Variants in PRKN observed in about 807,000 individuals in gnomAD.
The protein encoded by PRKN is parkin RBR E3 ubiquitin protein ligase, also known as E3 ubiquitin-protein ligase parkin.
PRKN carries 56 observed loss-of-function variants against 59.5 expected under a neutral mutation model. The observed-to-expected ratio is 0.94, with a 90% CI of 0.76 to 1.18. The LOEUF is 1.18. PRKN is among the 50% of genes most tolerant of loss of function. The pLI, the probability that PRKN is intolerant of heterozygous loss-of-function variation, is 0.00. For synonymous variants in PRKN, 250 were observed against 222.1 expected (o/e 1.13, Z -1.12); for missense variants, 657 against 596.4 (o/e 1.10, Z -1.06).
intron 5 of PRKN, among the ~76,000 whole-genome samples, chr6:162,008,185 T>A: frequency 6.6e-6 from 1 of 152,104 alleles, no homozygotes; most frequent in East Asian, 1.9e-4. Context: ...ACTATAGAAG[T>A]CAAGAAATTA....
At chr6:162,122,716 TTCTA>T (rs71544924) in intron 4 of PRKN, among the ~76,000 whole-genome samples, 24,464 of 147,752 alleles carry the variant, frequency 0.17, 2,050 homozygotes, top group East Asian at 0.32. Context: ...GCTCAATCTG[TTCTA>T]TCTATCTATC....
chr6:161,393,642 G>A lies in PRKN; in HGVS notation c.1084-6765C>T, dbSNP rs1786614541. Among the ~76,000 whole-genome samples the A allele has an allele frequency of 6.6e-6, 1 of 152,102 alleles. No homozygotes were observed. Among genetic ancestry groups the A allele is most frequent in the South Asian group, 2.1e-4 (1 of 4,816 alleles). ...AGCATGAAAAGGAAGCAAATGAACA[G>A]CTTCTAATGCAATCGGAATATTCCA... is the stretch of plus-strand genomic sequence containing the variant. On this transcript the variant is annotated intron_variant, in intron 9 of 11. Transcript: ENST00000366898. The surrounding 1 kb of genome is among the most constrained non-coding windows in gnomAD (Gnocchi z 4.7).
intron 2 of PRKN, among the ~76,000 whole-genome samples, chr6:162,380,911 C>CT (rs1198986259): frequency 6.6e-6 from 1 of 152,084 alleles, no homozygotes; most frequent in Non-Finnish European, 1.5e-5. Context: ...TCAAGCCTCC[C>CT]TTTTTGAGAA....
chr6:161,623,123 A>G (rs1425412601), intron 7 of PRKN, among the ~76,000 whole-genome samples: 1 of 152,240 alleles, frequency 6.6e-6, no homozygotes, highest in African/African-American at 2.4e-5. Context: ...AAATACAATC[A>G]TGTACAAAGC....
At chr6:161,710,925 A>AT (rs1562624853) in intron 7 of PRKN, among the ~76,000 whole-genome samples, 6 of 58,952 alleles carry the variant, frequency 1.0e-4, no homozygotes, top group Non-Finnish European at 9.6e-5. Context: ...TTCCTTCCTC[A>AT]CCCCTTCCTT....
intron 5 of PRKN, among the ~76,000 whole-genome samples, chr6:162,052,889 ATATAAT>A (rs1777703588): frequency 1.3e-5 from 2 of 152,252 alleles, no homozygotes; most frequent in African/African-American, 4.8e-5. Context: ...ATAGATGTAT[ATATAAT>A]TATATTATTA....
chr6:161,709,625 T>G (rs1011210640), intron 7 of PRKN, among the ~76,000 whole-genome samples: 5 of 152,342 alleles, frequency 3.3e-5, no homozygotes, highest in Non-Finnish European at 5.9e-5. Flanking sequence ...TAGCAGATCA[T>G]GAGACTCAAT....
At chr6:162,208,087 T>C (rs1414205064) in intron 3 of PRKN, among the ~76,000 whole-genome samples, 1 of 152,226 alleles carries the variant, frequency 6.6e-6, no homozygotes, top group Non-Finnish European at 1.5e-5. Flanking sequence ...GGACTTGGTG[T>C]AACTGAATGT....
chr6:161,648,319 G>C (rs539849892), intron 7 of PRKN, among the ~76,000 whole-genome samples: 1 of 152,292 alleles, frequency 6.6e-6, no homozygotes, highest in South Asian at 2.1e-4. Flanking sequence ...TGATCCATAA[G>C]GGAGGTCTTA....
intron 2 of PRKN, among the ~76,000 whole-genome samples, chr6:162,423,542 C>G (rs1789080524): frequency 6.6e-6 from 1 of 152,148 alleles, no homozygotes; most frequent in Non-Finnish European, 1.5e-5. Flanking sequence ...CACACAATGA[C>G]AGGGAGTAGG....
chr6:162,558,448 G>C (rs1271024091), intron 1 of PRKN, among the ~76,000 whole-genome samples: 2 of 150,224 alleles, frequency 1.3e-5, no homozygotes, highest in African/African-American at 4.9e-5. Flanking sequence ...TCCTGCCTCA[G>C]CCTCCCAGGT....
At chr6:161,509,595 A>G (rs1369519401) in intron 9 of PRKN, among the ~76,000 whole-genome samples, 1 of 150,132 alleles carries the variant, frequency 6.7e-6, no homozygotes, top group Non-Finnish European at 1.5e-5. Flanking sequence ...AAAAAGAAAA[A>G]AAGGCTGGGC....
At chr6:161,741,700 G>A (rs1176192488) in intron 7 of PRKN, among the ~76,000 whole-genome samples, 2 of 151,898 alleles carry the variant, frequency 1.3e-5, no homozygotes, top group African/African-American at 4.9e-5. Flanking sequence ...CAAGCAGATT[G>A]ATTGCATTCA....
chr6:162,050,657 C>T (rs1166974821), intron 5 of PRKN, among the ~76,000 whole-genome samples: 5 of 152,194 alleles, frequency 3.3e-5, no homozygotes, highest in East Asian at 1.9e-4. Flanking sequence ...CCAATAAGGG[C>T]GGGGAAGATA....
intron 4 of PRKN, 148 bp from the exon 5 acceptor site, chr6:162,054,322 C>T (rs1582962441): frequency 2.9e-6 from 2 of 694,020 alleles, no homozygotes; most frequent in South Asian, 3.1e-5. Context: ...CTCTGGGGGT[C>T]CCCGTGACCC....
intron 7 of PRKN, among the ~76,000 whole-genome samples, chr6:161,755,867 C>T (rs9295162): frequency 0.31 from 47,807 of 151,786 alleles, 7,713 homozygotes; most frequent in South Asian, 0.44. Context: ...AACAGACTCT[C>T]CCCTACAGGC....
Position 161,562,482 on chromosome 6 carries a change from G to T in PRKN, c.933+6873C>A, listed in dbSNP as rs1027496056. On this transcript the variant is annotated intron_variant, in intron 8 of 11. Coordinates refer to ENST00000366898, the MANE Select transcript of PRKN (RefSeq NM_004562.3). This position sits in a 1 kb window ranked among gnomAD's most constrained non-coding sequence, Gnocchi z 4.3. ...TCTCTCCTTTCTTGGCTTCTTCTGA[G>T]AATCCCCATGGGTTTAAAATTTCCT... 4.6e-5 allele frequency among the ~76,000 whole-genome samples: 7 copies of T among 152,158 alleles called. No homozygotes were observed. Among genetic ancestry groups the T allele is most frequent in the African/African-American group, 1.7e-4 (7 of 41,442 alleles).
chr6:161,744,006 A>G (rs781414369), intron 7 of PRKN, among the ~76,000 whole-genome samples: 2 of 152,100 alleles, frequency 1.3e-5, no homozygotes, highest in African/African-American at 2.4e-5. Flanking sequence ...TGAGAGGGAC[A>G]GCTAGGGCAG....
Position 161,369,270 on chromosome 6 carries a change from A to G in PRKN, c.1168-9065T>C, listed in dbSNP as rs557269945. On this transcript the variant is annotated intron_variant, in intron 10 of 11. Coordinates refer to ENST00000366898, the MANE Select transcript of PRKN (RefSeq NM_004562.3). The surrounding 1 kb of genome is among the most constrained non-coding windows in gnomAD (Gnocchi z 5.8). ...CAAAGCGATTCTAAAAATGATCCCA[A>G]GGCTTGTGTCCAGACTCTGGAGATT... Among the ~76,000 whole-genome samples, 1 of 152,282 alleles carries G rather than the reference A, an allele frequency of 6.6e-6. No individual in the cohort carries two copies. The highest frequency in any genetic ancestry group is 2.4e-5 in the African/African-American group (1 of 41,560).
Sources: allele counts gnomAD v4.1 joint callset (sites outside exome capture counted in the v4.1 genomes callset), GRCh38; gene constraint gnomAD v4.1.1; non-coding constraint Gnocchi (gnomAD v3.1); transcripts MANE v1.5; gene names NCBI Gene and HGNC (gene_info 2026-07-23, HGNC 2026-07-21).